NDUFB3: variants seen among roughly 807,000 people sequenced by gnomAD.
The protein encoded by NDUFB3 is NADH:ubiquinone oxidoreductase subunit B3, also known as NADH dehydrogenase [ubiquinone] 1 beta subcomplex subunit 3.
A neutral mutation model predicts 9.0 loss-of-function variants in NDUFB3; 7 were observed. The observed-to-expected ratio is 0.78, with a 90% confidence interval of 0.44 to 1.46. NDUFB3 has a LOEUF of 1.46. Ranked by LOEUF, NDUFB3 falls within the 40% of genes most tolerant of loss-of-function variation. NDUFB3 has a pLI of 0.01. For missense variants in NDUFB3, 93 were observed against 115.4 expected, an observed-to-expected ratio of 0.81 and a Z score of 0.89; for synonymous variants, 29 against 38.5, an observed-to-expected ratio of 0.75 and a Z score of 0.91.
Position 201,083,008 on chromosome 2 carries a change from C to T in NDUFB3, c.141-2451C>T, listed in dbSNP as rs542253864. On this transcript the variant is annotated intron_variant, in intron 2 of 2. Coordinates refer to ENST00000237889, the MANE Select transcript of NDUFB3 (RefSeq NM_002491.3). ...GATTACAGGCGTGAGCCACCGCGCC[C>T]GGCCGCTAAATTCACTTTTTAGTTC... 5.9e-4 allele frequency among the ~76,000 whole-genome samples: 90 copies of T among 152,254 alleles called. 2 individuals are homozygous for T. Among genetic ancestry groups the T allele is most frequent in the South Asian group, 3.9e-3 (19 of 4,830 alleles).
At chr2:201,079,402 C>T (rs1276170096) in intron 2 of NDUFB3, among the ~76,000 whole-genome samples, 1 of 151,992 alleles carries the variant, frequency 6.6e-6, no homozygotes, top group African/African-American at 2.4e-5. Flanking sequence ...CTCAGCCTCC[C>T]GAAGTGCTGG....
chr2:201,075,913 G>C (rs888560647), intron 1 of NDUFB3, among the ~76,000 whole-genome samples: 2 of 152,124 alleles, frequency 1.3e-5, no homozygotes, highest in African/African-American at 4.8e-5. Flanking sequence ...GCCAAAATAA[G>C]GGTTTGTCTT....
At chr2:201,078,411 T>G (rs945545961) in intron 1 of NDUFB3, among the ~76,000 whole-genome samples, 1 of 152,238 alleles carries the variant, frequency 6.6e-6, no homozygotes, top group African/African-American at 2.4e-5. Context: ...AGTTACTTAA[T>G]TGCTTGGAGT....
rs185008157 is a variant in NDUFB3 at position 201,076,448 on chromosome 2, G to C, written c.-2-2433G>C. The stretch of plus-strand genomic sequence containing the variant: ...TTGAGCCCAGGAGTTTGAGGCTGCA[G>C]TGAGCTATGATCCAGAGCAAGACCC... On this transcript the variant is annotated intron_variant, in intron 1 of 2. Coordinates refer to ENST00000237889, the MANE Select transcript of NDUFB3 (RefSeq NM_002491.3). Among the ~76,000 whole-genome samples, 37 of 146,644 alleles carry C rather than the reference G, an allele frequency of 2.5e-4. No homozygotes were observed. In the East Asian group the frequency reaches 7.1e-3, roughly 28 times the overall value.
intron 2 of NDUFB3, among the ~76,000 whole-genome samples, chr2:201,084,467 TAAAC>T (rs373882604): frequency 3.0e-4 from 45 of 151,210 alleles, no homozygotes; most frequent in East Asian, 2.8e-3. Context: ...CATAAATAAA[TAAAC>T]AAACAAACAA....
intron 1 of NDUFB3, among the ~76,000 whole-genome samples, chr2:201,074,734 G>T (rs766230873): frequency 6.6e-6 from 1 of 152,182 alleles, no homozygotes; most frequent in African/African-American, 2.4e-5. Context: ...GGGATTACAG[G>T]CGTGTGCCAC....
At chr2:201,076,341 C>T (rs1159012036) in intron 1 of NDUFB3, among the ~76,000 whole-genome samples, 3 of 151,668 alleles carry the variant, frequency 2.0e-5, no homozygotes, top group Non-Finnish European at 2.9e-5. Context: ...GAGGGTCCAT[C>T]GCTATAAAAC....
intron 2 of NDUFB3, among the ~76,000 whole-genome samples, chr2:201,084,567 G>A (rs1374678348): frequency 6.6e-6 from 1 of 152,156 alleles, no homozygotes; most frequent in Non-Finnish European, 1.5e-5. Context: ...AATCCAGAAG[G>A]TGGAGGTTGC....
chr2:201,075,012 T>C (rs1248206677), intron 1 of NDUFB3, among the ~76,000 whole-genome samples: 1 of 151,918 alleles, frequency 6.6e-6, no homozygotes, highest in Admixed American at 6.6e-5. Context: ...CACGATATCA[T>C]TGTTTGATTT....
At position 201,084,867 on chromosome 2, in the gene NDUFB3, G is replaced by A. The variant is rs150603102; in HGVS notation, c.141-592G>A. ...CAGGGTATCAATCTTCCAAAATTCA[G>A]GCTGCTATGGTAGGGAGAAGCAGAG... On this transcript the variant is annotated intron_variant, in intron 2 of 2. Coordinates refer to ENST00000237889, the MANE Select transcript of NDUFB3 (RefSeq NM_002491.3). Among the ~76,000 whole-genome samples the A allele has an allele frequency of 1.7e-4, 26 of 151,916 alleles. No individual in the cohort carries two copies. In the East Asian group the frequency reaches 4.8e-3, roughly 28 times the overall value.
At chr2:201,084,888 CA>C (rs201347462) in intron 2 of NDUFB3, among the ~76,000 whole-genome samples, 4,329 of 152,216 alleles carry the variant, frequency 0.028, 217 homozygotes, top group African/African-American at 0.099. Context: ...TAGGGAGAAG[CA>C]GAGATCCTTT....
At chr2:201,085,115 C>T (rs1029631469) in intron 2 of NDUFB3, among the ~76,000 whole-genome samples, 1 of 152,228 alleles carries the variant, frequency 6.6e-6, no homozygotes, top group African/African-American at 2.4e-5. Flanking sequence ...TACCAAGTCT[C>T]TAACTTCATC....
intron 2 of NDUFB3, among the ~76,000 whole-genome samples, chr2:201,082,189 A>T (rs1299736140): frequency 6.6e-6 from 1 of 151,352 alleles, no homozygotes; most frequent in Admixed American, 6.6e-5. Context: ...CATGACCTCA[A>T]GTGATCCGCT....
intron 1 of NDUFB3, among the ~76,000 whole-genome samples, chr2:201,074,698 C>G (rs2047141111): frequency 1.3e-5 from 2 of 152,128 alleles, no homozygotes; most frequent in South Asian, 4.1e-4. Flanking sequence ...TCAAGTGATC[C>G]ACCTGCCTTG....
rs575795111 is a variant in NDUFB3, at chr2:201,081,300, A to G, written c.140+2278A>G. Among the ~76,000 whole-genome samples, 3 of 151,924 alleles carry G rather than the reference A, an allele frequency of 2.0e-5. No individual in the cohort carries two copies. In the South Asian group the frequency reaches 6.3e-4, roughly 32 times the overall value. On this transcript the variant is annotated intron_variant, in intron 2 of 2. Transcript: ENST00000237889. The stretch of plus-strand genomic sequence containing the variant: ...GGTGTTCGAGACCAGCCTGGGCAAC[A>G]TGGGAAACCCTGTCTCTACTAAAAA...
intron 2 of NDUFB3, chr2:201,079,857 A>G (rs1251686761): frequency 1.3e-5 from 2 of 152,206 alleles, no homozygotes; most frequent in Non-Finnish European, 1.5e-5. Flanking sequence ...TGCTTCAGAA[A>G]CATATATACT....
intron 2 of NDUFB3, 43 bp from the exon 3 acceptor site, chr2:201,085,416 A>G: frequency 1.3e-6 from 2 of 1,492,992 alleles, no homozygotes; most frequent in Non-Finnish European, 1.8e-6. Flanking sequence ...GTATATACAC[A>G]CACGTTGTGT....
At chr2:201,081,480 C>G (rs1244678355) in intron 2 of NDUFB3, among the ~76,000 whole-genome samples, 1 of 151,844 alleles carries the variant, frequency 6.6e-6, no homozygotes, top group South Asian at 2.1e-4. Flanking sequence ...AAGCTTCCAT[C>G]TTAAAGAAAA....
intron 1 of NDUFB3, among the ~76,000 whole-genome samples, chr2:201,076,590 CAGTT>C (rs1346354544): frequency 3.3e-5 from 5 of 150,336 alleles, no homozygotes; most frequent in East Asian, 2.0e-4. Context: ...TGGTTTTTCA[CAGTT>C]AGTATGTACA....
Sources: gnomAD v4.1 joint callset for allele counts (sites outside exome capture counted in the v4.1 genomes callset) on GRCh38, gnomAD v4.1.1 for gene constraint, MANE v1.5 for transcripts, NCBI Gene and HGNC (gene_info 2026-07-23, HGNC 2026-07-21) for gene names.